The following GALNS variants were observed in gnomAD, a reference collection of about 807,000 sequenced individuals.
GALNS encodes N-acetylgalactosamine-6-sulfatase.
A neutral mutation model predicts 65.9 loss-of-function variants in GALNS; 65 were observed. The observed-to-expected ratio is 0.99, with a 90% CI of 0.81 to 1.21. The LOEUF is 1.21. Among genes scored for constraint, GALNS ranks in the 50% most tolerant of loss-of-function variants. The pLI, the probability that GALNS is intolerant of heterozygous loss-of-function variation, is 0.00. For missense variants in GALNS, 776 were observed against 700.7 expected (o/e 1.11, Z -1.21); for synonymous variants, 346 against 288.9 (o/e 1.20, Z -2.00).
intron 10 of GALNS, among the ~76,000 whole-genome samples, chr16:88,825,561 ACTGGGATTCCTGGGCAG>A (rs1910794659): frequency 2.2e-5 from 1 of 45,572 alleles, no homozygotes; most frequent in African/African-American, 6.1e-5. Flanking sequence ...GGTGTCCGGG[ACTGGGATTCCTGGGCAG>A]CTGGGGCTGG....
At chr16:88,855,271 G>T (rs577598021) in intron 1 of GALNS, 1 of 700,130 alleles carries the variant, frequency 1.4e-6, no homozygotes, top group African/African-American at 1.7e-5. Context: ...AACTTAACAG[G>T]GAGGCTTCAC....
In GALNS at chr16:88,842,801, C is replaced by G. The variant is rs763863268; in HGVS notation, c.149G>C (p.Gly50Ala). 4 of 1,613,336 alleles carry G rather than the reference C, an allele frequency of 2.5e-6. No homozygotes were observed. The Admixed American group carries it at 5.0e-5, about 20-fold the overall frequency. The change falls in exon 2 of 14, where the codon GGA becomes GCA. Residue 50 changes from glycine to alanine, a missense_variant. Gly to Ala is a moderately conservative substitution (Grantham distance 60). Coordinates refer to ENST00000268695, the MANE Select transcript of GALNS (RefSeq NM_000512.5). ...ATTCGGGGTCTCTCTGGAGGGCTCT[C>G]CATACACCCCGAGGTCACCCCATCC... is the stretch of plus-strand genomic sequence containing the variant. ...DMGWGDLGVY[G>A]EPSRETPNLD...
chr16:88,829,978 A>G (rs1299956001), intron 9 of GALNS, among the ~76,000 whole-genome samples: 1 of 152,162 alleles, frequency 6.6e-6, no homozygotes, highest in Admixed American at 6.5e-5. Context: ...CACGCCTGTA[A>G]TCCCAACACT....
At chr16:88,828,651 C>T (rs940175991) in intron 9 of GALNS, among the ~76,000 whole-genome samples, 4 of 152,234 alleles carry the variant, frequency 2.6e-5, no homozygotes, top group South Asian at 2.1e-4. Flanking sequence ...GAGAGGGTTT[C>T]CCTTCTTCAG....
intron 9 of GALNS, among the ~76,000 whole-genome samples, chr16:88,829,708 G>A (rs1911286714): frequency 6.6e-6 from 1 of 152,260 alleles, no homozygotes; most frequent in Non-Finnish European, 1.5e-5. Flanking sequence ...GTAATTGGGG[G>A]ACCCTGACAG....
At chr16:88,842,889 G>A (rs1167100833) in intron 1 of GALNS, 60 bp from the exon 2 acceptor site, 1 of 1,599,510 alleles carries the variant, frequency 6.3e-7, no homozygotes, top group East Asian at 2.2e-5. Context: ...TCTGGCCTGG[G>A]GAGCTGCCCA....
At chr16:88,820,863 G>T (rs1182982007) in intron 12 of GALNS, among the ~76,000 whole-genome samples, 1 of 152,180 alleles carries the variant, frequency 6.6e-6, no homozygotes, top group Admixed American at 6.5e-5. Flanking sequence ...GGCGGGCACC[G>T]GTGTGGCCAG....
intron 7 of GALNS, 47 bp from the exon 8 acceptor site, chr16:88,835,399 C>T: frequency 6.2e-7 from 1 of 1,610,300 alleles, no homozygotes; most frequent in African/African-American, 1.3e-5. Flanking sequence ...AGGATGGTGA[C>T]AAATGGATCA....
chr16:88,849,023 G>A (rs1967387031), intron 1 of GALNS, among the ~76,000 whole-genome samples: 1 of 152,250 alleles, frequency 6.6e-6, no homozygotes, highest in African/African-American at 2.4e-5. Context: ...GAGTCCCAGA[G>A]CTGGGCCAGG....
intron 12 of GALNS, among the ~76,000 whole-genome samples, chr16:88,821,352 A>G (rs545173635): frequency 1.3e-5 from 2 of 152,242 alleles, no homozygotes; most frequent in Non-Finnish European, 2.9e-5. Context: ...CTCTGGACTC[A>G]GGGCATTTGG....
intron 1 of GALNS, chr16:88,856,003 G>T (rs1967834724): frequency 3.3e-6 from 2 of 598,884 alleles, no homozygotes; most frequent in African/African-American, 1.9e-5. Context: ...CCCAAGCTTG[G>T]AGACAGTAGG....
At chr16:88,833,797 C>T (rs754019931) in intron 8 of GALNS, among the ~76,000 whole-genome samples, 3 of 152,222 alleles carry the variant, frequency 2.0e-5, no homozygotes, top group African/African-American at 7.2e-5. Context: ...TAGTCTTGTG[C>T]TGGGTGCTGG....
At chr16:88,845,201 G>C (rs936382230) in intron 1 of GALNS, 3 of 152,008 alleles carry the variant, frequency 2.0e-5, no homozygotes, top group African/African-American at 7.3e-5. Flanking sequence ...CAAAAAATTA[G>C]CCAGGCATGG....
chr16:88,855,481 C>G (rs754469904), intron 1 of GALNS: 3 of 702,666 alleles, frequency 4.3e-6, no homozygotes, highest in Non-Finnish European at 7.8e-6. Flanking sequence ...TGTCAGGACA[C>G]GGACCCCTGG....
intron 8 of GALNS, among the ~76,000 whole-genome samples, chr16:88,833,428 CT>C (rs1246697362): frequency 1.3e-5 from 1 of 74,524 alleles, no homozygotes; most frequent in Non-Finnish European, 2.7e-5. Context: ...CCCTCCCTCC[CT>C]TTCTTTCCTT....
At chr16:88,827,102 G>A (rs1251646172) in intron 9 of GALNS, 4 of 574,074 alleles carry the variant, frequency 7.0e-6, no homozygotes, top group Non-Finnish European at 1.3e-5. Context: ...CAGATGAAAG[G>A]AGAATCACAG....
intron 13 of GALNS, chr16:88,816,414 C>A: frequency 1.0e-6 from 1 of 985,428 alleles, no homozygotes; most frequent in African/African-American, 1.7e-5. Context: ...GAGACAGGGA[C>A]CTCCCTGCTC....
chr16:88,856,263 G>A lies in GALNS; in HGVS notation c.120+495C>T, dbSNP rs923825590. ...AGCCGTCAGGTAAGACTGGAGCCCA[G>A]CGGGGGGACCCGGCGGCCCGAGGTG... On this transcript the variant is annotated intron_variant, in intron 1 of 13. Coordinates refer to ENST00000268695, the MANE Select transcript of GALNS (RefSeq NM_000512.5). The A allele has an allele frequency of 5.7e-6, 4 of 702,940 alleles. No homozygotes were observed. The Admixed American group carries it at 6.0e-5, about 11-fold the overall frequency. 43.5% of individuals were successfully genotyped at this position (702,940 alleles called of 1,614,324 possible). A position where few individuals can be genotyped will look rare whatever the true frequency, so the allele number is the denominator to read the frequency against.
intron 1 of GALNS, among the ~76,000 whole-genome samples, chr16:88,849,938 G>T (rs961498145): frequency 3.3e-5 from 5 of 152,238 alleles, no homozygotes; most frequent in African/African-American, 9.6e-5. Flanking sequence ...ATGCGCCCAT[G>T]TCAGGGTGAG....
Sources: gnomAD v4.1 joint callset for allele counts (sites outside exome capture counted in the v4.1 genomes callset) on GRCh38, gnomAD v4.1.1 for gene constraint, MANE v1.5 for transcripts, NCBI Gene and HGNC (gene_info 2026-07-23, HGNC 2026-07-21) for gene names.